PPA2: variants seen among roughly 807,000 people sequenced by gnomAD.
PPA2 encodes the protein inorganic pyrophosphatase 2, mitochondrial.
Under a neutral mutation model 49.5 loss-of-function variants are expected in PPA2, and 48 were observed. That is an observed-to-expected ratio of 0.97 (90% confidence interval 0.77 to 1.23). PPA2 has a LOEUF of 1.23. Ranked by LOEUF, PPA2 falls within the 50% of genes most tolerant of loss-of-function variation. The pLI, the probability that PPA2 is intolerant of heterozygous loss-of-function variation, is 0.00. For synonymous variants in PPA2, 131 were observed against 139.9 expected, an observed-to-expected ratio of 0.94 and a Z score of 0.45; for missense variants, 429 against 410.1, an observed-to-expected ratio of 1.05 and a Z score of -0.40.
chr4:105,370,707 A>G, intron 11 of PPA2, 130 bp downstream of exon 11: 1 of 1,171,422 alleles, frequency 8.5e-7, no homozygotes. Flanking sequence ...GACTATTTTA[A>G]AAATATTTCA....
At chr4:105,415,699 C>T (rs543710406) in intron 7 of PPA2, among the ~76,000 whole-genome samples, 2 of 152,280 alleles carry the variant, frequency 1.3e-5, no homozygotes, top group African/African-American at 2.4e-5. Context: ...TCCTGTAGCC[C>T]GGTGGAGTGT....
intron 7 of PPA2, among the ~76,000 whole-genome samples, chr4:105,421,734 A>G (rs2110266228): frequency 6.6e-6 from 1 of 152,292 alleles, no homozygotes; most frequent in Admixed American, 6.5e-5. Context: ...TGAGAAAAAA[A>G]TGTGTGATTC....
At chr4:105,427,413 G>T (rs1055067830) in intron 6 of PPA2, among the ~76,000 whole-genome samples, 1 of 152,100 alleles carries the variant, frequency 6.6e-6, no homozygotes, top group Non-Finnish European at 1.5e-5. Context: ...AGCTAGAGGA[G>T]CACGTTCTAA....
intron 7 of PPA2, among the ~76,000 whole-genome samples, chr4:105,416,846 C>T (rs1723034612): frequency 6.6e-6 from 1 of 151,946 alleles, no homozygotes; most frequent in South Asian, 2.1e-4. Context: ...GTACTCTTAC[C>T]AAGACAAAAC....
Position 105,408,410 on chromosome 4 carries a change from C to T in PPA2, c.656-9246G>A, listed in dbSNP as rs182480082. Among the ~76,000 whole-genome samples the T allele has an allele frequency of 5.3e-5, 8 of 151,678 alleles. No homozygotes were observed. The East Asian group carries it at 1.2e-3, about 22-fold the overall frequency. Reference sequence around the variant, plus strand: ...CTGAGTCAAAACCTTTTTTTAAATACGTTTTCTTTAAAATAAAATAAGTCT... The same window carrying T: ...CTGAGTCAAAACCTTTTTTTAAATATGTTTTCTTTAAAATAAAATAAGTCT... On this transcript the variant is annotated intron_variant, in intron 7 of 11. Transcript: ENST00000341695.
intron 1 of PPA2, among the ~76,000 whole-genome samples, chr4:105,462,787 G>A (rs1723146925): frequency 6.6e-6 from 1 of 152,156 alleles, no homozygotes; most frequent in Non-Finnish European, 1.5e-5. Context: ...TCTCATGATA[G>A]TAAGTCTCAC....
At chr4:105,391,883 AGAGT>A (rs146268232) in intron 9 of PPA2, among the ~76,000 whole-genome samples, 3,102 of 152,284 alleles carry the variant, frequency 0.02, 48 homozygotes, top group Middle Eastern at 0.061. Flanking sequence ...TAATAAAAAA[AGAGT>A]ATGAGTAAAG....
chr4:105,378,312 T>C (rs893298221), intron 10 of PPA2, among the ~76,000 whole-genome samples: 1 of 152,168 alleles, frequency 6.6e-6, no homozygotes, highest in Non-Finnish European at 1.5e-5. Context: ...TCACTTCATG[T>C]GTTTCTTTGC....
At chr4:105,415,735 T>G (rs1470828320) in intron 7 of PPA2, among the ~76,000 whole-genome samples, 1 of 152,216 alleles carries the variant, frequency 6.6e-6, no homozygotes, top group African/African-American at 2.4e-5. Flanking sequence ...CCTCCCCGGC[T>G]GCAGCCAGTC....
Position 105,451,293 on chromosome 4 carries a change from T to C in PPA2, c.268-1890A>G, listed in dbSNP as rs183911410. 8.5e-5 allele frequency among the ~76,000 whole-genome samples: 13 copies of C among 152,330 alleles called. No homozygotes were observed. In the East Asian group the frequency reaches 2.5e-3, roughly 29 times the overall value. On this transcript the variant is annotated intron_variant, in intron 3 of 11. Coordinates refer to ENST00000341695, the MANE Select transcript of PPA2 (RefSeq NM_176869.3). ...TTTCAAAGAATGCTATTTACACAAT[T>C]AAATGTAGATAGATATTGAGCCATA... is the stretch of plus-strand genomic sequence containing the variant.
chr4:105,405,234 A>G (rs1408695578), intron 7 of PPA2: 1 of 739,910 alleles, frequency 1.4e-6, no homozygotes, highest in African/African-American at 1.9e-5. Context: ...TTATAAACAA[A>G]CACAAAGACT....
intron 10 of PPA2, among the ~76,000 whole-genome samples, chr4:105,384,259 A>G (rs1445027077): frequency 6.6e-6 from 1 of 152,208 alleles, no homozygotes; most frequent in Non-Finnish European, 1.5e-5. Context: ...CTGATGCAGT[A>G]TTCTCAGTGA....
chr4:105,455,134 G>A (rs1722827968), intron 2 of PPA2, among the ~76,000 whole-genome samples: 2 of 152,160 alleles, frequency 1.3e-5, no homozygotes, highest in Admixed American at 1.3e-4. Flanking sequence ...TACACCCACA[G>A]TGCCTAGAAC....
chr4:105,473,550 G>C (rs750214417), intron 1 of PPA2: 1 of 523,768 alleles, frequency 1.9e-6, no homozygotes. Flanking sequence ...ACGGCGGCCG[G>C]GCCGGCTAAT....
chr4:105,404,834 C>A (rs1722385770), intron 7 of PPA2, among the ~76,000 whole-genome samples: 2 of 152,128 alleles, frequency 1.3e-5, no homozygotes, highest in African/African-American at 4.8e-5. Context: ...GTAATCCCAG[C>A]ACTTTGGGAG....
chr4:105,410,847 T>C (rs536767743), intron 7 of PPA2, among the ~76,000 whole-genome samples: 1 of 152,280 alleles, frequency 6.6e-6, no homozygotes, highest in Non-Finnish European at 1.5e-5. Flanking sequence ...CAAAATCCTT[T>C]ACAGACAAGC....
intron 3 of PPA2, among the ~76,000 whole-genome samples, chr4:105,450,732 C>T (rs1353444087): frequency 2.6e-5 from 4 of 151,674 alleles, no homozygotes; most frequent in Non-Finnish European, 5.9e-5. Context: ...CTCGGCCTCC[C>T]GAGTAGCTGG....
At chr4:105,404,501 C>T (rs544337240) in intron 7 of PPA2, among the ~76,000 whole-genome samples, 1 of 152,072 alleles carries the variant, frequency 6.6e-6, no homozygotes, top group African/African-American at 2.4e-5. Context: ...TAAAGAAAAA[C>T]ATGTTTGGAA....
chr4:105,456,710 CAT>C lies in PPA2; in HGVS notation c.191_192del (p.His64ArgfsTer9), dbSNP rs779999096. On this transcript the variant is annotated frameshift_variant, in exon 2 of 12. Coordinates refer to ENST00000341695, the MANE Select transcript of PPA2 (RefSeq NM_176869.3). LOFTEE classifies it high-confidence loss of function. Reference sequence around the variant, plus strand: ...TTAGAGTTCACCTTCAGAGGAATATCATGAAAGGGGGAAATGTAGTGACCAGT... The same window carrying C: ...TTAGAGTTCACCTTCAGAGGAATATCGAAAGGGGGAAATGTAGTGACCAGT... ...NVTGHYISPFHDIPLKVNSKE... is the reference protein window; with the variant it reads ...NVTGHYISPFXDIPLKVNSKE... The C allele has an allele frequency of 4.4e-6, 7 of 1,607,548 alleles. No individual in the cohort carries two copies. Among genetic ancestry groups the C allele is most frequent in the Non-Finnish European group, 5.9e-6 (7 of 1,176,640 alleles).
Sources: gnomAD v4.1 joint callset for allele counts (sites outside exome capture counted in the v4.1 genomes callset) on GRCh38, gnomAD v4.1.1 for gene constraint, MANE v1.5 for transcripts, NCBI Gene and HGNC (gene_info 2026-07-23, HGNC 2026-07-21) for gene names.